DNAH14: variants seen among roughly 807,000 people sequenced by gnomAD.
DNAH14 encodes axonemal beta dynein heavy chain 14.
A neutral mutation model predicts 520.9 loss-of-function variants in DNAH14; 478 were observed. The observed-to-expected ratio is 0.92, with a 90% CI of 0.85 to 0.99. The LOEUF is 0.99. Among genes scored for constraint, DNAH14 ranks in the 50% least tolerant of loss-of-function variants. The pLI is 0.00. For missense variants in DNAH14, 4,831 were observed against 5,234.5 expected (o/e 0.92, Z 2.38); for synonymous variants, 1,581 against 1,757.2 (o/e 0.90, Z 2.51).
At chr1:225,012,780 A>G (rs1558679124) in intron 10 of DNAH14, among the ~76,000 whole-genome samples, 1 of 152,022 alleles carries the variant, frequency 6.6e-6, no homozygotes, top group East Asian at 1.9e-4. Context: ...TATGCTTCAG[A>G]AAGTTCTCGT....
At chr1:224,938,439 G>A (rs938074004) in intron 1 of DNAH14, among the ~76,000 whole-genome samples, 4 of 147,296 alleles carry the variant, frequency 2.7e-5, no homozygotes, top group East Asian at 1.9e-4. Context: ...ATATGAAAAC[G>A]TGTTTGACAT....
At chr1:224,991,684 G>A (rs542135175) in intron 8 of DNAH14, among the ~76,000 whole-genome samples, 126 of 152,028 alleles carry the variant, frequency 8.3e-4, no homozygotes, top group African/African-American at 2.9e-3. Context: ...CAGTAGAGAC[G>A]GGTATCTATA....
At chr1:225,040,023 C>T (rs542546199) in intron 12 of DNAH14, among the ~76,000 whole-genome samples, 9 of 146,166 alleles carry the variant, frequency 6.2e-5, no homozygotes, top group Admixed American at 1.3e-4. Flanking sequence ...CTGCAAGCTC[C>T]GCCTCCTGGG....
rs181164097 is a variant in DNAH14 at position 225,194,474 on chromosome 1, A to G, written c.5886+1563A>G. ...ATACATGATGTTGGGATACCTGGCT[A>G]GATGTATGCAGAAGATTGAAACTGG... is the stretch of plus-strand genomic sequence containing the variant. On this transcript the variant is annotated intron_variant, in intron 38 of 85. Coordinates refer to ENST00000682510, the MANE Select transcript of DNAH14 (RefSeq NM_001367479.1). Among the ~76,000 whole-genome samples the G allele has an allele frequency of 7.1e-3, 1,085 of 152,060 alleles. 8 individuals carry two copies. The highest frequency in any genetic ancestry group is 0.025 in the African/African-American group (1,016 of 41,352).
At chr1:225,184,270 G>T (rs1292283426) in intron 36 of DNAH14, among the ~76,000 whole-genome samples, 1 of 152,174 alleles carries the variant, frequency 6.6e-6, no homozygotes, top group East Asian at 1.9e-4. Flanking sequence ...GGGATGCAAA[G>T]TTGGTTCAAC....
At chr1:225,172,847 G>A (rs1282185474) in intron 36 of DNAH14, among the ~76,000 whole-genome samples, 1 of 152,140 alleles carries the variant, frequency 6.6e-6, no homozygotes, top group Non-Finnish European at 1.5e-5. Flanking sequence ...CACACTACCT[G>A]ACTTCAAACT....
chr1:225,167,962 G>A lies in DNAH14; in HGVS notation c.5469G>A (p.Gln1823=), dbSNP rs554300272. The change falls in exon 36 of 86, where the codon CAG becomes CAA. Residue 1823 remains glutamine, a synonymous_variant. Coordinates refer to ENST00000682510, the MANE Select transcript of DNAH14 (RefSeq NM_001367479.1). The stretch of plus-strand genomic sequence containing the variant: ...AGAAAGTAATATATACTGCAACTCA[G>A]CAATTGGGTTTACAAAACTGGTCAT... ...ALEKVIYTAT[Q]QLGLQNWSSQ... 2 of 1,533,252 alleles carry A rather than the reference G, an allele frequency of 1.3e-6. No homozygotes were observed. Among genetic ancestry groups the A allele is most frequent in the Non-Finnish European group, 8.8e-7 (1 of 1,138,168 alleles). The allele number at this position is 1,533,252 out of a possible 1,614,324, so 95.0% of individuals were successfully genotyped here. A position where few individuals can be genotyped will look rare whatever the true frequency, so the allele number is the denominator to read the frequency against.
chr1:225,104,624 G>A (rs927664234), intron 23 of DNAH14, among the ~76,000 whole-genome samples: 1 of 152,098 alleles, frequency 6.6e-6, no homozygotes, highest in African/African-American at 2.4e-5. Flanking sequence ...GAGGGTGTAT[G>A]TGTCAAGGAA....
chr1:225,035,779 G>A (rs1465349683), intron 11 of DNAH14, among the ~76,000 whole-genome samples: 2 of 152,094 alleles, frequency 1.3e-5, no homozygotes, highest in African/African-American at 2.4e-5. Context: ...AGAATTATCT[G>A]TGTGCTTAGA....
Position 225,023,747 on chromosome 1 carries a change from A to G in DNAH14, c.1240A>G (p.Ile414Val), listed in dbSNP as rs1445638302. Residue 414 changes from isoleucine (I) to valine (V), a missense_variant, in exon 11 of 86, where the codon ATA becomes GTA. Physicochemically the swap from Ile to Val is conservative, Grantham distance 29. Coordinates refer to ENST00000682510, the MANE Select transcript of DNAH14 (RefSeq NM_001367479.1). The stretch of plus-strand genomic sequence containing the variant: ...CAAGTTTGTAATGCTGGTTGACTAC[A>G]TATTTCAGGAACTCATTCGTCAACT... ...FFKFVMLVDYIFQELIRQLMN... is the reference protein window; with the variant it reads ...FFKFVMLVDYVFQELIRQLMN... 4 of 1,550,908 alleles carry G rather than the reference A, an allele frequency of 2.6e-6. No homozygotes were observed. Among genetic ancestry groups the G allele is most frequent in the East Asian group, 2.5e-5 (1 of 40,780 alleles).
intron 34 of DNAH14, among the ~76,000 whole-genome samples, chr1:225,158,845 A>G (rs1363309143): frequency 6.6e-6 from 1 of 152,152 alleles, no homozygotes; most frequent in Non-Finnish European, 1.5e-5. Flanking sequence ...TCAGTCATGT[A>G]TTGGTATGAC....
At chr1:225,035,324 G>A (rs1451852273) in intron 11 of DNAH14, among the ~76,000 whole-genome samples, 1 of 151,598 alleles carries the variant, frequency 6.6e-6, no homozygotes, top group Non-Finnish European at 1.5e-5. Context: ...TAGTTAATGT[G>A]GCTAAAGGTT....
Position 225,358,507 on chromosome 1 carries a change from T to C in DNAH14, c.11631T>C (p.Leu3877=). 3.3e-6 allele frequency: 5 copies of C among 1,520,552 alleles called. No homozygotes were observed. Among genetic ancestry groups the C allele is most frequent in the Non-Finnish European group, 4.4e-6 (5 of 1,135,670 alleles). 94.2% of individuals were successfully genotyped at this position (1,520,552 alleles called of 1,614,324 possible). A position where few individuals can be genotyped will look rare whatever the true frequency, so the allele number is the denominator to read the frequency against. The change falls in exon 74 of 86, where the codon CTT becomes CTC. Residue 3877 remains leucine, a synonymous_variant. Coordinates refer to ENST00000682510, the MANE Select transcript of DNAH14 (RefSeq NM_001367479.1). ...GTTTTCTTTTTTAGGTAAAAGTTCT[T>C]AGACCAGAAAGTTTAAACAATTCAG... ...SFQRLILVKV[L]RPESLNNSVR... is the part of the protein sequence containing the mutation.
chr1:225,066,673 C>T (rs540738387), intron 17 of DNAH14, among the ~76,000 whole-genome samples: 23 of 152,000 alleles, frequency 1.5e-4, no homozygotes, highest in African/African-American at 5.5e-4. Flanking sequence ...ACCTGAGTCC[C>T]AAAGTTTATT....
chr1:225,133,141 A>G (rs1017958319), intron 27 of DNAH14, among the ~76,000 whole-genome samples: 1 of 151,912 alleles, frequency 6.6e-6, no homozygotes, highest in Non-Finnish European at 1.5e-5. Context: ...AGATGGAGAG[A>G]TTGCAAAAAT....
At chr1:224,932,938 T>G (rs1438114588) in intron 1 of DNAH14, among the ~76,000 whole-genome samples, 1 of 152,124 alleles carries the variant, frequency 6.6e-6, no homozygotes, top group Non-Finnish European at 1.5e-5. Flanking sequence ...CATATGAATT[T>G]GGGGGATTTT....
chr1:225,087,847 A>G (rs1233328776), intron 21 of DNAH14, among the ~76,000 whole-genome samples: 1 of 152,234 alleles, frequency 6.6e-6, no homozygotes, highest in Non-Finnish European at 1.5e-5. Flanking sequence ...GAGGTCAGGG[A>G]AACAACCACT....
rs560355047 is a variant in DNAH14 at position 224,942,943 on chromosome 1, G to A, written c.-33-9727G>A. Among the ~76,000 whole-genome samples, 25 of 152,174 alleles carry A rather than the reference G, an allele frequency of 1.6e-4. 1 individual carries two copies. In the South Asian group the frequency reaches 2.9e-3, roughly 18 times the overall value. On this transcript the variant is annotated intron_variant, in intron 1 of 85. Transcript: ENST00000682510. ...GAGGATTTTTGCATCGATGTTCATCGGGGATATTGGTCTGAAATTCTCTTT... is the reference window on the plus strand; with the variant it reads ...GAGGATTTTTGCATCGATGTTCATCAGGGATATTGGTCTGAAATTCTCTTT...
chr1:225,264,555 C>T (rs2093047880), intron 47 of DNAH14, among the ~76,000 whole-genome samples: 1 of 152,078 alleles, frequency 6.6e-6, no homozygotes, highest in Non-Finnish European at 1.5e-5. Flanking sequence ...AAGGCAATAT[C>T]TGTCTATTCT....
Sources: allele counts gnomAD v4.1 joint callset (sites outside exome capture counted in the v4.1 genomes callset), GRCh38; gene constraint gnomAD v4.1.1; transcripts MANE v1.5; gene names NCBI Gene and HGNC (gene_info 2026-07-23, HGNC 2026-07-21).